Variants in ZNF385D observed in about 807,000 individuals in gnomAD.
The protein encoded by ZNF385D is zinc finger protein 385D, also known as zinc finger protein 659.
Under a neutral mutation model 35.8 loss-of-function variants are expected in ZNF385D, and 15 were observed. The observed-to-expected ratio is 0.42, with a 90% CI of 0.28 to 0.64. The LOEUF is 0.64. ZNF385D is among the 30% of genes least tolerant of loss of function. The pLI is 0.23. For synonymous variants in ZNF385D, 212 were observed against 186.8 expected (o/e 1.13, Z -1.10); for missense variants, 474 against 494.6 (o/e 0.96, Z 0.39).
intron 2 of ZNF385D, among the ~76,000 whole-genome samples, chr3:22,213,253 A>T (rs1697642025): frequency 6.6e-6 from 1 of 151,194 alleles, no homozygotes; most frequent in Admixed American, 6.6e-5. Context: ...TTTGTGGGCC[A>T]CATACAGTCT....
chr3:22,073,855 C>G (rs1290934843), intron 3 of ZNF385D, among the ~76,000 whole-genome samples: 1 of 151,960 alleles, frequency 6.6e-6, no homozygotes, highest in East Asian at 1.9e-4. Flanking sequence ...AGCATTTTCT[C>G]TTTTATAAAA....
At chr3:22,270,949 G>T (rs1701145853) in intron 2 of ZNF385D, among the ~76,000 whole-genome samples, 1 of 151,916 alleles carries the variant, frequency 6.6e-6, no homozygotes, top group Admixed American at 6.6e-5. Flanking sequence ...ATCTCCAAGT[G>T]TATCTTTTGC....
chr3:21,557,588 G>A (rs935570763), intron 3 of ZNF385D, among the ~76,000 whole-genome samples: 6 of 152,090 alleles, frequency 3.9e-5, no homozygotes, highest in Admixed American at 3.9e-4. Context: ...GAGGATTTTT[G>A]CATTGATGTT....
intron 2 of ZNF385D, among the ~76,000 whole-genome samples, chr3:21,586,968 T>C (rs937989087): frequency 2.6e-5 from 4 of 152,094 alleles, no homozygotes; most frequent in Admixed American, 6.6e-5. Context: ...TTGAGCTGGA[T>C]GAGTAGGAAT....
At chr3:21,761,578 C>T (rs552402024) in intron 3 of ZNF385D, among the ~76,000 whole-genome samples, 1 of 152,162 alleles carries the variant, frequency 6.6e-6, no homozygotes, top group South Asian at 2.1e-4. Flanking sequence ...CAAGAACCAA[C>T]ATAGAGAGGT....
At chr3:22,126,265 A>G (rs1417275931) in intron 3 of ZNF385D, among the ~76,000 whole-genome samples, 1 of 145,206 alleles carries the variant, frequency 6.9e-6, no homozygotes, top group Non-Finnish European at 1.5e-5. Flanking sequence ...TAAATCCCAC[A>G]TTGTGGGATT....
chr3:22,059,312 G>A (rs1033724382), intron 3 of ZNF385D, among the ~76,000 whole-genome samples: 1 of 152,184 alleles, frequency 6.6e-6, no homozygotes, highest in African/African-American at 2.4e-5. Flanking sequence ...TGCATGAAAG[G>A]GAGAAGTGTG....
chr3:22,153,007 T>C (rs189789175), intron 3 of ZNF385D, among the ~76,000 whole-genome samples: 4 of 152,232 alleles, frequency 2.6e-5, no homozygotes, highest in African/African-American at 7.2e-5. Flanking sequence ...AAATGTGCCA[T>C]GGTGAAAAAT....
At chr3:21,801,450 T>A (rs1004104883) in intron 3 of ZNF385D, among the ~76,000 whole-genome samples, 36 of 152,190 alleles carry the variant, frequency 2.4e-4, no homozygotes, top group African/African-American at 8.2e-4. Flanking sequence ...ACATCTGGTC[T>A]TGAGCTTGGC....
At chr3:21,884,971 A>C (rs1698467491) in intron 3 of ZNF385D, among the ~76,000 whole-genome samples, 3 of 151,962 alleles carry the variant, frequency 2.0e-5, no homozygotes, top group Admixed American at 2.0e-4. Context: ...TTTTCATTTT[A>C]TCTGTGGCTA....
At chr3:21,847,602 A>C (rs1188525515) in intron 3 of ZNF385D, among the ~76,000 whole-genome samples, 1 of 151,992 alleles carries the variant, frequency 6.6e-6, no homozygotes, top group East Asian at 1.9e-4. Context: ...ATATTTTTGC[A>C]GTTTCCTCTC....
chr3:22,109,050 C>T (rs1702373929), intron 3 of ZNF385D, among the ~76,000 whole-genome samples: 1 of 152,186 alleles, frequency 6.6e-6, no homozygotes, highest in Middle Eastern at 3.4e-3. Flanking sequence ...AATGCTTGTA[C>T]AGACGAACGA....
intron 1 of ZNF385D, among the ~76,000 whole-genome samples, chr3:21,697,508 C>T (rs1331587010): frequency 6.6e-6 from 1 of 152,034 alleles, no homozygotes. Flanking sequence ...ATATGATAGC[C>T]ACTAGTCCTA....
intron 3 of ZNF385D, among the ~76,000 whole-genome samples, chr3:21,996,121 T>G (rs1343390229): frequency 2.0e-5 from 3 of 152,116 alleles, no homozygotes; most frequent in Admixed American, 2.0e-4. Flanking sequence ...GGAGCTGTGC[T>G]ATAGCTGCTT....
chr3:21,620,923 T>TAAAC (rs2064987361), intron 2 of ZNF385D, among the ~76,000 whole-genome samples: 1 of 152,014 alleles, frequency 6.6e-6, no homozygotes, highest in Admixed American at 6.6e-5. Context: ...CATCACAAAT[T>TAAAC]AAACACTGTA....
intron 2 of ZNF385D, among the ~76,000 whole-genome samples, chr3:22,243,472 C>T (rs1699602496): frequency 6.6e-6 from 1 of 150,862 alleles, no homozygotes; most frequent in South Asian, 2.2e-4. Flanking sequence ...TGTAATTATA[C>T]CCTATAGCAA....
intron 4 of ZNF385D, among the ~76,000 whole-genome samples, chr3:21,490,168 T>A (rs1705324189): frequency 1.3e-5 from 2 of 152,098 alleles, no homozygotes. Flanking sequence ...TATTTTTATT[T>A]ATTTATACTT....
At chr3:21,817,320 CA>C (rs1246388105) in intron 3 of ZNF385D, among the ~76,000 whole-genome samples, 3 of 152,058 alleles carry the variant, frequency 2.0e-5, no homozygotes, top group Admixed American at 2.0e-4. Flanking sequence ...CAACAAAAGC[CA>C]AAATAGACAA....
At chr3:22,365,017 T>A (rs1426201845) in intron 2 of ZNF385D, among the ~76,000 whole-genome samples, 2 of 152,084 alleles carry the variant, frequency 1.3e-5, no homozygotes, top group Non-Finnish European at 2.9e-5. Context: ...TGATTCCACT[T>A]ACATGAGGTA....
Sources: allele counts gnomAD v4.1 joint callset (sites outside exome capture counted in the v4.1 genomes callset), GRCh38; gene constraint gnomAD v4.1.1; transcripts MANE v1.5; gene names NCBI Gene and HGNC (gene_info 2026-07-23, HGNC 2026-07-21).